Variants in ULK4 observed in about 807,000 individuals in gnomAD.
The protein encoded by ULK4 is inactive serine/threonine-protein kinase ULK4.
A neutral mutation model predicts 160.6 loss-of-function variants in ULK4; 133 were observed. The ratio of observed to expected loss-of-function variants is 0.83; its 90% CI spans 0.72 to 0.96. The LOEUF is 0.96. ULK4 is among the 40% of genes least tolerant of loss of function. ULK4 has a pLI of 0.00. For synonymous variants in ULK4, 534 were observed against 539.8 expected (o/e 0.99, Z 0.15); for missense variants, 1,580 against 1,499.5 (o/e 1.05, Z -0.89).
intron 31 of ULK4, among the ~76,000 whole-genome samples, chr3:41,592,295 G>T (rs1473540257): frequency 1.3e-5 from 2 of 152,228 alleles, no homozygotes; most frequent in African/African-American, 2.4e-5. Flanking sequence ...TACAGGTGTA[G>T]AGGAAGCAGC....
chr3:41,888,176 A>T (rs921403160), intron 16 of ULK4, among the ~76,000 whole-genome samples: 1 of 152,150 alleles, frequency 6.6e-6, no homozygotes, highest in Admixed American at 6.5e-5. Context: ...AGGGAAAGGT[A>T]AAGAAAGCAT....
At chr3:41,608,889 A>G (rs1314196682) in intron 31 of ULK4, among the ~76,000 whole-genome samples, 1 of 152,260 alleles carries the variant, frequency 6.6e-6, no homozygotes, top group Admixed American at 6.5e-5. Flanking sequence ...AAAAGCTTCT[A>G]ATCTTGGGAA....
chr3:41,657,818 T>TAA lies in ULK4; in HGVS notation c.3071+5787_3071+5788dup, dbSNP rs60281588. Among the ~76,000 whole-genome samples the TAA allele has an allele frequency of 5.0e-4, 50 of 99,756 alleles. 5 individuals are homozygous for TAA. The highest frequency in any genetic ancestry group is 5.8e-4 in the Non-Finnish European group (33 of 56,580). 65.4% of individuals were successfully genotyped at this position (99,756 alleles called of 152,430 possible). A position where few individuals can be genotyped will look rare whatever the true frequency, so the allele number is the denominator to read the frequency against. On this transcript the variant is annotated intron_variant, in intron 30 of 36. Coordinates refer to ENST00000301831, the MANE Select transcript of ULK4 (RefSeq NM_017886.4). ...GTGACAAAGCGAGACTCCATCTCAT[T>TAA]AAAAAAAAAAAAAAAAACACACACC... is the stretch of plus-strand genomic sequence containing the variant.
intron 34 of ULK4, among the ~76,000 whole-genome samples, chr3:41,442,456 CAGA>C (rs2083195814): frequency 6.6e-6 from 1 of 152,072 alleles, no homozygotes; most frequent in South Asian, 2.1e-4. Flanking sequence ...CTATATTATA[CAGA>C]AGTAGTCCTC....
At chr3:41,950,104 TGA>T (rs1439411414) in intron 2 of ULK4, among the ~76,000 whole-genome samples, 1 of 151,782 alleles carries the variant, frequency 6.6e-6, no homozygotes, top group Non-Finnish European at 1.5e-5. Flanking sequence ...TTTTTTTTTT[TGA>T]GACAAGGTCT....
intron 32 of ULK4, among the ~76,000 whole-genome samples, chr3:41,513,358 C>T (rs1214050941): frequency 6.6e-6 from 1 of 152,144 alleles, no homozygotes; most frequent in Non-Finnish European, 1.5e-5. Flanking sequence ...GCAGAGTTGG[C>T]CAGGTGTGGT....
chr3:41,553,312 A>G (rs2087149525), intron 32 of ULK4, among the ~76,000 whole-genome samples: 1 of 152,254 alleles, frequency 6.6e-6, no homozygotes, highest in South Asian at 2.1e-4. Flanking sequence ...CAGACTGAAG[A>G]GACCACTTTT....
intron 30 of ULK4, among the ~76,000 whole-genome samples, chr3:41,653,593 T>C (rs1575532728): frequency 6.6e-6 from 1 of 152,200 alleles, no homozygotes; most frequent in Non-Finnish European, 1.5e-5. Context: ...TTCACATGAA[T>C]AAAGACCAAA....
intron 35 of ULK4, among the ~76,000 whole-genome samples, chr3:41,284,400 T>C (rs969782987): frequency 6.6e-6 from 1 of 151,946 alleles, no homozygotes; most frequent in African/African-American, 2.4e-5. Flanking sequence ...AATAGACACA[T>C]AGACCGATGG....
At chr3:41,439,338 G>C (rs974918536) in intron 34 of ULK4, among the ~76,000 whole-genome samples, 4 of 152,166 alleles carry the variant, frequency 2.6e-5, no homozygotes, top group African/African-American at 9.7e-5. Flanking sequence ...AGTTGGTTTA[G>C]AGAAAAGAAA....
At chr3:41,591,565 T>A (rs2031308866) in intron 31 of ULK4, among the ~76,000 whole-genome samples, 1 of 151,874 alleles carries the variant, frequency 6.6e-6, no homozygotes, top group Non-Finnish European at 1.5e-5. Context: ...TTGGGCCACA[T>A]TCAAAGCTGT....
intron 29 of ULK4, among the ~76,000 whole-genome samples, chr3:41,677,583 G>A (rs182475933): frequency 2.9e-4 from 44 of 151,984 alleles, no homozygotes; most frequent in Non-Finnish European, 5.2e-4. Flanking sequence ...CGCATGCCTC[G>A]GCCTCCCAAA....
chr3:41,399,130 G>A (rs2082125830), intron 34 of ULK4, among the ~76,000 whole-genome samples: 1 of 152,146 alleles, frequency 6.6e-6, no homozygotes, highest in Non-Finnish European at 1.5e-5. Flanking sequence ...ACTTGTACCA[G>A]CAATGCATGA....
At chr3:41,495,986 TAC>T (rs1428072863) in intron 32 of ULK4, among the ~76,000 whole-genome samples, 2 of 152,064 alleles carry the variant, frequency 1.3e-5, no homozygotes, top group African/African-American at 2.4e-5. Flanking sequence ...TTATAGATAA[TAC>T]TTAATAAAAT....
At chr3:41,406,264 G>T (rs569742767) in intron 34 of ULK4, among the ~76,000 whole-genome samples, 289 of 152,316 alleles carry the variant, frequency 1.9e-3, no homozygotes, top group Non-Finnish European at 2.7e-3. Context: ...CTTTGTCAAA[G>T]ATCAGGTGGC....
intron 34 of ULK4, among the ~76,000 whole-genome samples, chr3:41,412,385 C>A (rs78370152): frequency 0.028 from 3,976 of 142,362 alleles, 162 homozygotes; most frequent in African/African-American, 0.099. Flanking sequence ...AATCTCAATA[C>A]AAAATCCCCC....
At chr3:41,680,970 T>C (rs766012647) in intron 29 of ULK4, among the ~76,000 whole-genome samples, 1 of 152,240 alleles carries the variant, frequency 6.6e-6, no homozygotes, top group Non-Finnish European at 1.5e-5. Flanking sequence ...GTAGTCATCC[T>C]GCTGTGTGTT....
At chr3:41,836,649 G>C (rs1481023469) in intron 17 of ULK4, among the ~76,000 whole-genome samples, 1 of 152,120 alleles carries the variant, frequency 6.6e-6, no homozygotes, top group Non-Finnish European at 1.5e-5. Context: ...CACGTCCCTG[G>C]TATGCTCCGG....
intron 30 of ULK4, among the ~76,000 whole-genome samples, chr3:41,643,859 T>C (rs930373425): frequency 9.2e-5 from 14 of 152,160 alleles, no homozygotes; most frequent in Admixed American, 3.3e-4. Context: ...GTATCCTCTT[T>C]TATTTCATTG....
Sources: gnomAD v4.1 joint callset for allele counts (sites outside exome capture counted in the v4.1 genomes callset) on GRCh38, gnomAD v4.1.1 for gene constraint, MANE v1.5 for transcripts, NCBI Gene and HGNC (gene_info 2026-07-23, HGNC 2026-07-21) for gene names.